Variants in ATOH1 observed in about 807,000 individuals in gnomAD.
ATOH1 encodes transcription factor ATOH1.
A neutral mutation model predicts 20.7 loss-of-function variants in ATOH1; 9 were observed. That is an observed-to-expected ratio of 0.44 (90% CI 0.26 to 0.76). The LOEUF is 0.76. Among genes scored for constraint, ATOH1 ranks in the 30% least tolerant of loss-of-function variants. ATOH1 has a pLI of 0.20. For synonymous variants in ATOH1, 247 were observed against 214.3 expected, an observed-to-expected ratio of 1.15 and a Z score of -1.33; for missense variants, 516 against 479.3, an observed-to-expected ratio of 1.08 and a Z score of -0.71.
chr4:93,829,685 A>T lies in ATOH1; in HGVS notation c.759A>T (p.Ala253=). Residue 253 remains alanine (A), a synonymous_variant, in exon 1 of 1, where the codon GCA becomes GCT. Transcript: ENST00000306011. This position sits in a 1 kb window ranked among gnomAD's most constrained non-coding sequence, Gnocchi z 4.5. ...SYEGGAGNAT[A]AGAQQASGGS... The stretch of plus-strand genomic sequence containing the variant: ...AAGGGGGCGCGGGCAACGCGACCGC[A>T]GCTGGGGCTCAGCAGGCTTCCGGAG... 1 of 1,571,232 alleles carries T rather than the reference A, an allele frequency of 6.4e-7. No homozygotes were observed. Among genetic ancestry groups the T allele is most frequent in the Non-Finnish European group, 8.6e-7 (1 of 1,160,590 alleles).
rs760120747 is a variant in ATOH1, at chr4:93,830,882, A to G, written c.*891A>G. 1 of 167,034 alleles carries G rather than the reference A, an allele frequency of 6.0e-6. No individual in the cohort carries two copies. The highest frequency in any genetic ancestry group is 1.5e-5 in the Non-Finnish European group (1 of 68,118). 10.3% of individuals were successfully genotyped at this position (167,034 alleles called of 1,614,324 possible). ...TCATTTTTTACGTTTTCTACTCGAG[A>G]TCATTTTATTTTAATTTAGCAAAGC... On this transcript the variant is annotated 3_prime_UTR_variant, in exon 1 of 1. Transcript: ENST00000306011.
Position 93,829,643 on chromosome 4 carries a change from C to A in ATOH1, c.717C>A (p.Arg239=). ...ASCKSDHHHL[R]TAASYEGGAG... is the part of the protein sequence containing the mutation. ...GCAAAAGCGACCACCACCACCTTCG[C>A]ACCGCGGCCTCCTATGAAGGGGGCG... Residue 239 remains arginine, a synonymous_variant, in exon 1 of 1, where the codon CGC becomes CGA. Coordinates refer to ENST00000306011, the MANE Select transcript of ATOH1 (RefSeq NM_005172.2). The surrounding 1 kb of genome is among the most constrained non-coding windows in gnomAD (Gnocchi z 4.5). 2 of 1,601,650 alleles carry A rather than the reference C, an allele frequency of 1.2e-6. No individual in the cohort carries two copies. The highest frequency in any genetic ancestry group is 1.7e-6 in the Non-Finnish European group (2 of 1,174,246).
At position 93,829,045 on chromosome 4, in the gene ATOH1, C is replaced by G. The variant is rs1250363408; in HGVS notation, c.119C>G (p.Thr40Ser). The change falls in exon 1 of 1, where the codon ACT becomes AGT. Residue 40 changes from threonine (T) to serine (S), a missense_variant. By Grantham distance (58) the Thr-to-Ser change is moderately conservative (BLOSUM62 1). Transcript: ENST00000306011. This position sits in a 1 kb window ranked among gnomAD's most constrained non-coding sequence, Gnocchi z 4.5. ...QPPPPPQPPATLQAREHPVYP... is the reference protein window; with the variant it reads ...QPPPPPQPPASLQAREHPVYP... ...CCGCCGCCGCCGCAGCCACCTGCAA[C>G]TTTGCAGGCGAGAGAGCATCCCGTC... is the stretch of plus-strand genomic sequence containing the variant. 2 of 1,613,912 alleles carry G rather than the reference C, an allele frequency of 1.2e-6. No homozygotes were observed. The highest frequency in any genetic ancestry group is 1.7e-6 in the Non-Finnish European group (2 of 1,179,996).
chr4:93,829,277 G>C lies in ATOH1; in HGVS notation c.351G>C (p.Lys117Asn), dbSNP rs772739464. The C allele has an allele frequency of 6.2e-7, 1 of 1,605,068 alleles. No homozygotes were observed. Among genetic ancestry groups the C allele is most frequent in the Non-Finnish European group, 8.5e-7 (1 of 1,174,394 alleles). Residue 117 changes from lysine to asparagine, a missense_variant, in exon 1 of 1, where the codon AAG (lysine) becomes AAC (asparagine). Lys to Asn is a moderately conservative substitution (Grantham distance 94). Coordinates refer to ENST00000306011, the MANE Select transcript of ATOH1 (RefSeq NM_005172.2). This position sits in a 1 kb window ranked among gnomAD's most constrained non-coding sequence, Gnocchi z 4.5. The part of the protein sequence containing the change: ...RRSSGGASSS[K>N]SPGPVKVREQ... The stretch of plus-strand genomic sequence containing the variant: ...GCAGCGGCGGTGCCAGCAGCAGCAA[G>C]AGCCCCGGGCCGGTGAAAGTGCGGG...
rs1645238328 is a variant in ATOH1 at position 93,829,177 on chromosome 4, C to T, written c.251C>T (p.Ser84Phe). ...TARAAQYLLH[S>F]PELGASEAAA... ...CGCGCCGCCCAGTATTTGCTACATT[C>T]CCCGGAGCTGGGTGCCTCAGAGGCC... The change falls in exon 1 of 1, where the codon TCC becomes TTC. Residue 84 changes from serine (S) to phenylalanine (F), a missense_variant. Ser to Phe is a radical substitution (Grantham distance 155). Transcript: ENST00000306011. The surrounding 1 kb of genome is among the most constrained non-coding windows in gnomAD (Gnocchi z 4.5). The T allele has an allele frequency of 1.3e-6, 2 of 1,587,958 alleles. No individual in the cohort carries two copies. The highest frequency in any genetic ancestry group is 1.7e-5 in the Admixed American group (1 of 57,700).
In ATOH1 at chr4:93,829,101, A is replaced by G; in HGVS notation, c.175A>G (p.Thr59Ala). The change falls in exon 1 of 1, where the codon ACC becomes GCC. Residue 59 changes from threonine to alanine, a missense_variant. Thr to Ala is a moderately conservative substitution (Grantham distance 58, BLOSUM62 0). Coordinates refer to ENST00000306011, the MANE Select transcript of ATOH1 (RefSeq NM_005172.2). The surrounding 1 kb of genome is among the most constrained non-coding windows in gnomAD (Gnocchi z 4.5). ...YPPELSLLDS[T>A]DPRAWLAPTL... ...GCCTGAGCTGTCCCTCCTGGACAGC[A>G]CCGACCCACGCGCCTGGCTGGCTCC... is the stretch of plus-strand genomic sequence containing the variant. The G allele has an allele frequency of 6.2e-7, 1 of 1,611,588 alleles. No homozygotes were observed. Among genetic ancestry groups the G allele is most frequent in the South Asian group, 1.1e-5 (1 of 90,944 alleles).
rs1352861183 is a variant in ATOH1 at position 93,829,574 on chromosome 4, A to G, written c.648A>G (p.Gln216=). Residue 216 remains glutamine, a synonymous_variant, in exon 1 of 1, where the codon CAA becomes CAG. Coordinates refer to ENST00000306011, the MANE Select transcript of ATOH1 (RefSeq NM_005172.2). This position sits in a 1 kb window ranked among gnomAD's most constrained non-coding sequence, Gnocchi z 4.5. ...IYINALSELL[Q]TPSGGEQPPP... ...TCAACGCCTTGTCCGAGCTGCTACAAACGCCCAGCGGAGGGGAACAGCCAC... is the reference window on the plus strand; with the variant it reads ...TCAACGCCTTGTCCGAGCTGCTACAGACGCCCAGCGGAGGGGAACAGCCAC... 1.1e-5 allele frequency: 18 copies of G among 1,614,150 alleles called. 1 individual carries two copies. The South Asian group carries it at 2.0e-4, about 18-fold the overall frequency.
In ATOH1 at chr4:93,828,999, C is replaced by T. The variant is rs375159413; in HGVS notation, c.73C>T (p.Pro25Ser). 6 of 1,613,514 alleles carry T rather than the reference C, an allele frequency of 3.7e-6. No individual in the cohort carries two copies. Among genetic ancestry groups the T allele is most frequent in the Non-Finnish European group, 4.2e-6 (5 of 1,179,838 alleles). Residue 25 changes from proline (P) to serine (S), a missense_variant, in exon 1 of 1, where the codon CCG (proline) becomes TCG (serine). Pro to Ser is a moderately conservative substitution (Grantham distance 74). Coordinates refer to ENST00000306011, the MANE Select transcript of ATOH1 (RefSeq NM_005172.2). ...GGGAGACCACCATCGCCAGCCCCAG[C>T]CGCATCATCTCCCGCAACCGCCGCC... Reference protein sequence around the residue: ...ELGDHHRQPQPHHLPQPPPPP... With the variant: ...ELGDHHRQPQSHHLPQPPPPP...
Position 93,828,925 on chromosome 4 carries a change from C to T in ATOH1, c.-2C>T, listed in dbSNP as rs1041320974. 3 of 1,585,230 alleles carry T rather than the reference C, an allele frequency of 1.9e-6. No individual in the cohort carries two copies. The highest frequency in any genetic ancestry group is 1.3e-5 in the African/African-American group (1 of 74,520). The stretch of plus-strand genomic sequence containing the variant: ...CCTGAGCCTCCGAGCCTTTGCAGTG[C>T]AATGTCCCGCCTGCTGCATGCAGAA... On this transcript the variant is annotated 5_prime_UTR_variant, in exon 1 of 1. Coordinates refer to ENST00000306011, the MANE Select transcript of ATOH1 (RefSeq NM_005172.2).
chr4:93,829,174 A>G lies in ATOH1; in HGVS notation c.248A>G (p.His83Arg). 1 of 1,589,292 alleles carries G rather than the reference A, an allele frequency of 6.3e-7. No individual in the cohort carries two copies. Among genetic ancestry groups the G allele is most frequent in the East Asian group, 2.2e-5 (1 of 44,550 alleles). Residue 83 changes from histidine (H) to arginine (R), a missense_variant, in exon 1 of 1, where the codon CAT becomes CGT. His to Arg is a conservative substitution (Grantham distance 29). Transcript: ENST00000306011. This position sits in a 1 kb window ranked among gnomAD's most constrained non-coding sequence, Gnocchi z 4.5. The part of the protein sequence containing the change: ...CTARAAQYLL[H>R]SPELGASEAA... ...GCACGCGCCGCCCAGTATTTGCTAC[A>G]TTCCCCGGAGCTGGGTGCCTCAGAG... is the stretch of plus-strand genomic sequence containing the variant.
Position 93,829,826 on chromosome 4 carries a change from C to T in ATOH1, c.900C>T (p.Ser300=), listed in dbSNP as rs749567383. 9.9e-6 allele frequency: 16 copies of T among 1,613,808 alleles called. No homozygotes were observed. Among genetic ancestry groups the T allele is most frequent in the Middle Eastern group, 1.6e-4 (1 of 6,084 alleles). The change falls in exon 1 of 1, where the codon AGC becomes AGT. Residue 300 remains serine (S), a synonymous_variant. Transcript: ENST00000306011. The surrounding 1 kb of genome is among the most constrained non-coding windows in gnomAD (Gnocchi z 4.5). ...TGCACTTCTCGACTTTCGAGGACAG[C>T]GCCCTGACAGCGATGATGGCGCAAA... The part of the protein sequence containing the change: ...DALHFSTFED[S]ALTAMMAQKN...
At position 93,829,376 on chromosome 4, in the gene ATOH1, C is replaced by A; in HGVS notation, c.450C>A (p.Ser150Arg). ...GCAGCCGCCAACGGGCCCCTTCCAG[C>A]AAACAGGTGAATGGGGTGCAGAAGC... ...LGCSRQRAPS[S>R]KQVNGVQKQR... The change falls in exon 1 of 1, where the codon AGC (serine) becomes AGA (arginine). Residue 150 changes from serine to arginine, a missense_variant. By Grantham distance (110) the Ser-to-Arg change is moderately radical. Coordinates refer to ENST00000306011, the MANE Select transcript of ATOH1 (RefSeq NM_005172.2). This position sits in a 1 kb window ranked among gnomAD's most constrained non-coding sequence, Gnocchi z 4.5. 1.2e-6 allele frequency: 2 copies of A among 1,614,210 alleles called. No individual in the cohort carries two copies. Among genetic ancestry groups the A allele is most frequent in the Admixed American group, 1.7e-5 (1 of 60,032 alleles).
Position 93,829,962 on chromosome 4 carries a change from C to T in ATOH1, c.1036C>T (p.His346Tyr). 6.2e-7 allele frequency: 1 copy of T among 1,607,226 alleles called. No homozygotes were observed. The change falls in exon 1 of 1, where the codon CAT becomes TAT. Residue 346 changes from histidine (H) to tyrosine (Y), a missense_variant. Coordinates refer to ENST00000306011, the MANE Select transcript of ATOH1 (RefSeq NM_005172.2). This position sits in a 1 kb window ranked among gnomAD's most constrained non-coding sequence, Gnocchi z 4.5. ...RSDGEFSPHS[H>Y]YSDSDEAS is the part of the protein sequence containing the mutation. ...CGACGGGGAATTTTCCCCCCATTCC[C>T]ATTACAGTGACTCGGATGAGGCAAG...
chr4:93,830,117 ACGACTTG>A lies in ATOH1; in HGVS notation c.*127_*133del. ...GCTCTGCGATGGTCGTTGTTTAGCA[ACGACTTG>A]GCTTCAGATGGCAGCTACATTTGAT... On this transcript the variant is annotated 3_prime_UTR_variant, in exon 1 of 1. Coordinates refer to ENST00000306011, the MANE Select transcript of ATOH1 (RefSeq NM_005172.2). 3 of 1,430,174 alleles carry A rather than the reference ACGACTTG, an allele frequency of 2.1e-6. No individual in the cohort carries two copies. The Admixed American group carries it at 9.8e-5, about 47-fold the overall frequency. 88.6% of individuals were successfully genotyped at this position (1,430,174 alleles called of 1,614,324 possible).
chr4:93,830,088 T>C lies in ATOH1; in HGVS notation c.*97T>C. 6.8e-7 allele frequency: 1 copy of C among 1,468,082 alleles called. No individual in the cohort carries two copies. The allele number at this position is 1,468,082 out of a possible 1,614,324, so 90.9% of individuals were successfully genotyped here. ...GTTAAAGATCCCCGCACCCTTTAAT[T>C]TTTGCTCTGCGATGGTCGTTGTTTA... On this transcript the variant is annotated 3_prime_UTR_variant, in exon 1 of 1. Transcript: ENST00000306011.
rs1194723275 is a variant in ATOH1, at chr4:93,830,922, T to TAA, written c.*932_*933dup. 1 of 166,988 alleles carries TAA rather than the reference T, an allele frequency of 6.0e-6. No homozygotes were observed. Among genetic ancestry groups the TAA allele is most frequent in the Non-Finnish European group, 1.5e-5 (1 of 68,118 alleles). 10.3% of individuals were successfully genotyped at this position (166,988 alleles called of 1,614,324 possible). A position where few individuals can be genotyped will look rare whatever the true frequency, so the allele number is the denominator to read the frequency against. On this transcript the variant is annotated 3_prime_UTR_variant, in exon 1 of 1. Transcript: ENST00000306011. ...TTTAGCAAAGCCAACTGCCCTTGTTTAATGTATTTTGTTTTGCAAATGATT... is the reference window on the plus strand; with the variant it reads ...TTTAGCAAAGCCAACTGCCCTTGTTTAAAATGTATTTTGTTTTGCAAATGATT...
rs983869987 is a variant in ATOH1 at position 93,830,816 on chromosome 4, CTT to C, written c.*826_*827del. The C allele has an allele frequency of 6.0e-6, 1 of 166,848 alleles. No individual in the cohort carries two copies. The highest frequency in any genetic ancestry group is 1.5e-5 in the Non-Finnish European group (1 of 68,082). 10.3% of individuals were successfully genotyped at this position (166,848 alleles called of 1,614,324 possible). A position where few individuals can be genotyped will look rare whatever the true frequency, so the allele number is the denominator to read the frequency against. Reference sequence around the variant, plus strand: ...ATTTTGCTTTGTTAATATTAGAAAACTTATTTATTATTGTTTGCTACCATTTC... The same window carrying C: ...ATTTTGCTTTGTTAATATTAGAAAACATTTATTATTGTTTGCTACCATTTC... On this transcript the variant is annotated 3_prime_UTR_variant, in exon 1 of 1. Coordinates refer to ENST00000306011, the MANE Select transcript of ATOH1 (RefSeq NM_005172.2).
In ATOH1 at chr4:93,829,250, G is replaced by A; in HGVS notation, c.324G>A (p.Arg108=). 6.3e-7 allele frequency: 1 copy of A among 1,596,818 alleles called. No individual in the cohort carries two copies. The highest frequency in any genetic ancestry group is 8.5e-7 in the Non-Finnish European group (1 of 1,170,914). Residue 108 remains arginine (R), a synonymous_variant, in exon 1 of 1, where the codon AGG becomes AGA. Coordinates refer to ENST00000306011, the MANE Select transcript of ATOH1 (RefSeq NM_005172.2). The surrounding 1 kb of genome is among the most constrained non-coding windows in gnomAD (Gnocchi z 4.5). ...ACGGCCGGGGGGAGCTGGTAAGGAG[G>A]AGCAGCGGCGGTGCCAGCAGCAGCA... ...EVDGRGELVR[R]SSGGASSSKS...
chr4:93,829,353 AGCC>A lies in ATOH1; in HGVS notation c.431_433del (p.Arg144del). The A allele has an allele frequency of 6.2e-7, 1 of 1,614,140 alleles. No homozygotes were observed. Among genetic ancestry groups the A allele is most frequent in the South Asian group, 1.1e-5 (1 of 91,082 alleles). On this transcript the variant is annotated inframe_deletion, in exon 1 of 1. Coordinates refer to ENST00000306011, the MANE Select transcript of ATOH1 (RefSeq NM_005172.2). This position sits in a 1 kb window ranked among gnomAD's most constrained non-coding sequence, Gnocchi z 4.5. ...GGTGGTGGTAGACGAGCTGGGCTGC[AGCC>A]GCCAACGGGCCCCTTCCAGCAAACA...
Sources: allele counts gnomAD v4.1 joint callset, GRCh38; gene constraint gnomAD v4.1.1; non-coding constraint Gnocchi (gnomAD v3.1); transcripts MANE v1.5; gene names NCBI Gene and HGNC (gene_info 2026-07-23, HGNC 2026-07-21).